The following ILDR2 variants were observed in gnomAD, a reference collection of about 807,000 sequenced individuals.
ILDR2 encodes immunoglobulin like domain containing receptor 2.
Under a neutral mutation model 66.8 loss-of-function variants are expected in ILDR2, and 25 were observed. That is an observed-to-expected ratio of 0.37 (90% CI 0.27 to 0.52). The LOEUF (loss-of-function observed/expected upper bound fraction) is 0.52, where lower values mean the gene tolerates loss of function less well. Among genes scored for constraint, ILDR2 ranks in the 20% least tolerant of loss-of-function variants. The pLI, the probability that ILDR2 is intolerant of heterozygous loss-of-function variation, is 0.88. For missense variants in ILDR2, 827 were observed against 876.8 expected (o/e 0.94, Z 0.72); for synonymous variants, 367 against 357.2 (o/e 1.03, Z -0.31).
rs772962588 is a variant in ILDR2 at position 166,921,236 on chromosome 1, C to T, written c.1355G>A (p.Arg452Gln). 1 of 1,595,726 alleles carries T rather than the reference C, an allele frequency of 6.3e-7. No homozygotes were observed. The highest frequency in any genetic ancestry group is 8.5e-7 in the Non-Finnish European group (1 of 1,176,108). ...CGAGCGCTCGAAGCGGCTCCCGCCC[C>T]GCGCCTCGTGACTGTTGCCGTCTGC... ...RRADGNSHEA[R>Q]GGSRFERSES... Residue 452 changes from arginine (R) to glutamine (Q), a missense_variant, in exon 9 of 10, where the codon CGG (arginine) becomes CAG (glutamine). Physicochemically the swap from Arg to Gln is conservative, Grantham distance 43. This residue lies in a region of ILDR2 where 390 missense variants were observed against 353.6 expected (regional missense o/e 1.10). Coordinates refer to ENST00000271417, the MANE Select transcript of ILDR2 (RefSeq NM_199351.3). The surrounding 1 kb of genome is among the most constrained non-coding windows in gnomAD (Gnocchi z 5.3).
chr1:166,921,088 G>T lies in ILDR2; in HGVS notation c.1503C>A (p.Arg501=). 1 of 1,492,460 alleles carries T rather than the reference G, an allele frequency of 6.7e-7. No individual in the cohort carries two copies. The allele number at this position is 1,492,460 out of a possible 1,614,324, so 92.5% of individuals were successfully genotyped here. The stretch of plus-strand genomic sequence containing the variant: ...GGTGCGCGTCCTCGGCGGGTCTGCG[G>T]CGCGCGGGGCTGAAGGCCCAGCCGC... ...ADRGWAFSPA[R]RRPAEDAHLP... The change falls in exon 9 of 10, where the codon CGC becomes CGA. Residue 501 remains arginine, a synonymous_variant. Transcript: ENST00000271417. This position sits in a 1 kb window ranked among gnomAD's most constrained non-coding sequence, Gnocchi z 5.3.
At chr1:166,947,714 C>A (rs1427351652) in intron 3 of ILDR2, among the ~76,000 whole-genome samples, 1 of 152,174 alleles carries the variant, frequency 6.6e-6, no homozygotes, top group African/African-American at 2.4e-5. Context: ...TACAATGCAG[C>A]GCGCGGCTGA....
At chr1:166,953,190 A>G (rs1485519403) in intron 3 of ILDR2, among the ~76,000 whole-genome samples, 1 of 152,218 alleles carries the variant, frequency 6.6e-6, no homozygotes, top group Non-Finnish European at 1.5e-5. Context: ...GCAGGGGACA[A>G]CTGACCAAAG....
chr1:166,920,185 G>A (rs1659822597), intron 9 of ILDR2, among the ~76,000 whole-genome samples: 1 of 152,138 alleles, frequency 6.6e-6, no homozygotes, highest in East Asian at 1.9e-4. Flanking sequence ...CATCAAAAGA[G>A]GACAGACATG....
rs1335653390 is a variant in ILDR2 at position 166,920,988 on chromosome 1, G to C, written c.1603C>G (p.Arg535Gly). ...DHSYLGSARE[R>G]QARPEGASRG... ...CTGGCGCCCTCGGGCCGCGCCTGGC[G>C]CTCCCGCGCGCTGCCCAGGTACGAG... is the stretch of plus-strand genomic sequence containing the variant. The change falls in exon 9 of 10, where the codon CGC becomes GGC. Residue 535 changes from arginine (R) to glycine (G), a missense_variant. By Grantham distance (125) the Arg-to-Gly change is moderately radical (BLOSUM62 -2). This residue lies in a region of ILDR2 where 390 missense variants were observed against 353.6 expected (regional missense o/e 1.10). Transcript: ENST00000271417. 3.3e-6 allele frequency: 5 copies of C among 1,495,048 alleles called. No homozygotes were observed. Among genetic ancestry groups the C allele is most frequent in the Non-Finnish European group, 4.4e-6 (5 of 1,133,750 alleles). 92.6% of individuals were successfully genotyped at this position (1,495,048 alleles called of 1,614,324 possible).
In ILDR2 at chr1:166,919,172, G is replaced by A; in HGVS notation, c.*183C>T. 1 of 569,614 alleles carries A rather than the reference G, an allele frequency of 1.8e-6. No individual in the cohort carries two copies. Among genetic ancestry groups the A allele is most frequent in the Non-Finnish European group, 3.2e-6 (1 of 315,742 alleles). The allele number at this position is 569,614 out of a possible 1,614,324, so 35.3% of individuals were successfully genotyped here. A position where few individuals can be genotyped will look rare whatever the true frequency, so the allele number is the denominator to read the frequency against. Reference sequence around the variant, plus strand: ...GGTAAGCTTCTCAAACTAGTTAGATGGGCACAGAGGTTTGAAATCAGCCTC... The same window carrying A: ...GGTAAGCTTCTCAAACTAGTTAGATAGGCACAGAGGTTTGAAATCAGCCTC... On this transcript the variant is annotated 3_prime_UTR_variant, in exon 10 of 10. Coordinates refer to ENST00000271417, the MANE Select transcript of ILDR2 (RefSeq NM_199351.3).
intron 1 of ILDR2, among the ~76,000 whole-genome samples, chr1:166,959,285 C>G (rs959444294): frequency 6.6e-6 from 1 of 152,158 alleles, no homozygotes; most frequent in Non-Finnish European, 1.5e-5. Flanking sequence ...CACAGTCTTC[C>G]GAGTACTTCT....
Position 166,956,728 on chromosome 1 carries a change from C to T in ILDR2, c.499+5G>A. ...ATGAAAATGTCACCTGTTGTTTTCA[C>T]TTACCCAACACCAGCAGTTCCACTG... On this transcript the variant is annotated splice_donor_5th_base_variant and intron_variant, in intron 3 of 9. Coordinates refer to ENST00000271417, the MANE Select transcript of ILDR2 (RefSeq NM_199351.3). 6.2e-7 allele frequency: 1 copy of T among 1,613,338 alleles called. No homozygotes were observed. The highest frequency in any genetic ancestry group is 8.5e-7 in the Non-Finnish European group (1 of 1,179,706).
rs1557921377 is a variant in ILDR2, at chr1:166,909,781, T to TATAAATATA, written c.*9573_*9574insTATATTTAT. ...TATAAATATATATAAATATATATAT[T>TATAAATATA]TATATATATATATATATATATATAT... On this transcript the variant is annotated 3_prime_UTR_variant, in exon 10 of 10. Transcript: ENST00000271417. The TATAAATATA allele has an allele frequency of 1.6e-5, 1 of 64,246 alleles. No homozygotes were observed. Among genetic ancestry groups the TATAAATATA allele is most frequent in the Admixed American group, 1.6e-4 (1 of 6,336 alleles). 4.0% of individuals were successfully genotyped at this position (64,246 alleles called of 1,614,324 possible). A position where few individuals can be genotyped will look rare whatever the true frequency, so the allele number is the denominator to read the frequency against.
intron 9 of ILDR2, among the ~76,000 whole-genome samples, chr1:166,919,641 T>C (rs886909145): frequency 6.6e-6 from 1 of 152,218 alleles, no homozygotes; most frequent in Non-Finnish European, 1.5e-5. Flanking sequence ...ACTACTATGT[T>C]TAGAGCTCCA....
chr1:166,969,390 ACTTT>A (rs1663149078), intron 1 of ILDR2, among the ~76,000 whole-genome samples: 1 of 152,192 alleles, frequency 6.6e-6, no homozygotes, highest in Non-Finnish European at 1.5e-5. Flanking sequence ...CATCCAAAAC[ACTTT>A]CTTTCATTTT....
intron 6 of ILDR2, among the ~76,000 whole-genome samples, chr1:166,931,852 G>T (rs990157120): frequency 6.6e-6 from 1 of 152,214 alleles, no homozygotes; most frequent in African/African-American, 2.4e-5. Context: ...GTAGAAGCTG[G>T]TTCGAAGTGA....
At chr1:166,948,135 T>C (rs964817030) in intron 3 of ILDR2, among the ~76,000 whole-genome samples, 1 of 152,078 alleles carries the variant, frequency 6.6e-6, no homozygotes, top group African/African-American at 2.4e-5. Context: ...AAATGCCAGA[T>C]AGCAGCAGGG....
In ILDR2 at chr1:166,921,571, T is replaced by A. The variant is rs1266267665; in HGVS notation, c.1212-192A>T. Among the ~76,000 whole-genome samples, 1 of 152,074 alleles carries A rather than the reference T, an allele frequency of 6.6e-6. No individual in the cohort carries two copies. Among genetic ancestry groups the A allele is most frequent in the Non-Finnish European group, 1.5e-5 (1 of 67,990 alleles). ...AGAACGTCAAGTAGGGGCAACCGAG[T>A]CTATTCCACTCGTGTGCCACGCATC... On this transcript the variant is annotated intron_variant, in intron 8 of 9. Transcript: ENST00000271417. This position sits in a 1 kb window ranked among gnomAD's most constrained non-coding sequence, Gnocchi z 5.3.
intron 1 of ILDR2, among the ~76,000 whole-genome samples, chr1:166,968,425 T>G (rs1571214045): frequency 6.6e-6 from 1 of 152,150 alleles, no homozygotes; most frequent in East Asian, 1.9e-4. Flanking sequence ...TCACTTTCCC[T>G]GAGAATTTCT....
intron 1 of ILDR2, 74 bp downstream of exon 1, chr1:166,975,142 GGGGGGGC>G (rs1663520814): frequency 2.5e-6 from 3 of 1,222,938 alleles, no homozygotes; most frequent in African/African-American, 1.5e-5. Context: ...GGAGGAAAAT[GGGGGGGC>G]GGGGGGCGCG....
intron 1 of ILDR2, among the ~76,000 whole-genome samples, chr1:166,958,360 G>C (rs953616913): frequency 1.4e-4 from 22 of 152,122 alleles, no homozygotes; most frequent in Non-Finnish European, 2.8e-4. Flanking sequence ...TGGATTATGG[G>C]GGTGGGTTTC....
At position 166,921,087 on chromosome 1, in the gene ILDR2, G is replaced by T; in HGVS notation, c.1504C>A (p.Arg502Ser). ...AGGTGCGCGTCCTCGGCGGGTCTGC[G>T]GCGCGCGGGGCTGAAGGCCCAGCCG... is the stretch of plus-strand genomic sequence containing the variant. ...DRGWAFSPAR[R>S]RPAEDAHLPR... The change falls in exon 9 of 10, where the codon CGC becomes AGC. Residue 502 changes from arginine (R) to serine (S), a missense_variant. Arg to Ser is a moderately radical substitution (Grantham distance 110). Coordinates refer to ENST00000271417, the MANE Select transcript of ILDR2 (RefSeq NM_199351.3). The surrounding 1 kb of genome is among the most constrained non-coding windows in gnomAD (Gnocchi z 5.3). 1 of 1,491,512 alleles carries T rather than the reference G, an allele frequency of 6.7e-7. No homozygotes were observed. Among genetic ancestry groups the T allele is most frequent in the South Asian group, 1.3e-5 (1 of 77,482 alleles). 92.4% of individuals were successfully genotyped at this position (1,491,512 alleles called of 1,614,324 possible).
At position 166,922,615 on chromosome 1, in the gene ILDR2, CCTCTTTGTTATA is replaced by C. The variant is rs1660019493; in HGVS notation, c.1177_1188del (p.Tyr393_Glu396del). The C allele has an allele frequency of 1.9e-6, 3 of 1,614,102 alleles. No individual in the cohort carries two copies. Among genetic ancestry groups the C allele is most frequent in the Non-Finnish European group, 2.5e-6 (3 of 1,180,028 alleles). On this transcript the variant is annotated inframe_deletion, in exon 8 of 10. Coordinates refer to ENST00000271417, the MANE Select transcript of ILDR2 (RefSeq NM_199351.3). ...CACCTGTGCCTGAAGCTCTCTCGAT[CCTCTTTGTTATA>C]CTCCATGGCTGAGGGCCCGCGGCTT...
Sources: allele counts gnomAD v4.1 joint callset (sites outside exome capture counted in the v4.1 genomes callset), GRCh38; gene constraint gnomAD v4.1.1; regional missense constraint gnomAD v4.1.1; non-coding constraint Gnocchi (gnomAD v3.1); transcripts MANE v1.5; gene names NCBI Gene and HGNC (gene_info 2026-07-23, HGNC 2026-07-21).